DOCK5: variants seen among roughly 807,000 people sequenced by gnomAD.
The protein encoded by DOCK5 is dedicator of cytokinesis protein 5.
DOCK5 carries 142 observed loss-of-function variants against 251.8 expected under a neutral mutation model. The observed-to-expected ratio is 0.56, with a 90% CI of 0.49 to 0.65. The LOEUF (loss-of-function observed/expected upper bound fraction) is 0.65, where lower values mean the gene tolerates loss of function less well. DOCK5 is among the 30% of genes least tolerant of loss of function. DOCK5 has a pLI of 0.00. For missense variants in DOCK5, 2,111 were observed against 2,312.3 expected (o/e 0.91, Z 1.79); for synonymous variants, 842 against 835.5 (o/e 1.01, Z -0.13).
rs1444319199 is a variant in DOCK5, at chr8:25,193,371, C to T, written c.43+8420C>T. On this transcript the variant is annotated intron_variant, in intron 1 of 51. Coordinates refer to ENST00000276440, the MANE Select transcript of DOCK5 (RefSeq NM_024940.8). ...CTAACGTGTATTTTTTTTTTTAAGGCACATTACAGCTTTTTTTTTTTTGCA... is the reference window on the plus strand; with the variant it reads ...CTAACGTGTATTTTTTTTTTTAAGGTACATTACAGCTTTTTTTTTTTTGCA... 4.0e-5 allele frequency among the ~76,000 whole-genome samples: 6 copies of T among 149,622 alleles called. No individual in the cohort carries two copies. In the East Asian group the frequency reaches 5.8e-4, roughly 15 times the overall value.
rs538470910 is a variant in DOCK5 at position 25,275,554 on chromosome 8, G to A, written c.224+113G>A. On this transcript the variant is annotated intron_variant, in intron 4 of 51. Coordinates refer to ENST00000276440, the MANE Select transcript of DOCK5 (RefSeq NM_024940.8). ...TACGTTAATAGTTCTCTCATCTCAG[G>A]CCAGGCGTGGTGGCTCACGCCTGTA... 1.4e-5 allele frequency: 15 copies of A among 1,085,776 alleles called. No individual in the cohort carries two copies. In the South Asian group the frequency reaches 2.1e-4, roughly 15 times the overall value. 67.3% of individuals were successfully genotyped at this position (1,085,776 alleles called of 1,614,324 possible). A position where few individuals can be genotyped will look rare whatever the true frequency, so the allele number is the denominator to read the frequency against.
chr8:25,259,892 A>G (rs1273192296), intron 2 of DOCK5, among the ~76,000 whole-genome samples: 2 of 152,258 alleles, frequency 1.3e-5, no homozygotes, highest in Non-Finnish European at 1.5e-5. Context: ...CAAGAAGTAC[A>G]AAAGAATAGA....
intron 1 of DOCK5, among the ~76,000 whole-genome samples, chr8:25,199,381 T>TA (rs34991651): frequency 1.8e-4 from 1 of 5,528 alleles, no homozygotes. Context: ...CGCTCTGTTC[T>TA]TTTTTTTTTT....
chr8:25,245,143 A>G (rs111780381), intron 2 of DOCK5, among the ~76,000 whole-genome samples: 2,593 of 152,182 alleles, frequency 0.017, 88 homozygotes, highest in African/African-American at 0.059. Context: ...TGCAAGCTCC[A>G]CCTTCCGGGT....
Position 25,241,050 on chromosome 8 carries a change from C to T in DOCK5, c.44-2624C>T, listed in dbSNP as rs111882558. On this transcript the variant is annotated intron_variant, in intron 1 of 51. Coordinates refer to ENST00000276440, the MANE Select transcript of DOCK5 (RefSeq NM_024940.8). ...TCTTTCTCTCTTATAAAGATATATG[C>T]GATTGCATTTAAGGCCACCCTGATA... is the stretch of plus-strand genomic sequence containing the variant. 9.9e-3 allele frequency among the ~76,000 whole-genome samples: 1,509 copies of T among 152,232 alleles called. 33 individuals are homozygous for T. The highest frequency in any genetic ancestry group is 0.035 in the African/African-American group (1,444 of 41,542).
At chr8:25,328,357 G>T (rs781477817) in intron 18 of DOCK5, among the ~76,000 whole-genome samples, 6 of 152,146 alleles carry the variant, frequency 3.9e-5, no homozygotes, top group Non-Finnish European at 8.8e-5. Flanking sequence ...AGGGAACAGG[G>T]TACAGAGAGG....
chr8:25,353,566 A>G (rs1800509943), intron 27 of DOCK5, among the ~76,000 whole-genome samples: 1 of 151,848 alleles, frequency 6.6e-6, no homozygotes, highest in South Asian at 2.1e-4. Flanking sequence ...GCAAGGAAAT[A>G]CTATTTTTTT....
chr8:25,308,095 T>A (rs955268621), intron 11 of DOCK5, among the ~76,000 whole-genome samples: 5 of 152,170 alleles, frequency 3.3e-5, no homozygotes, highest in African/African-American at 9.6e-5. Flanking sequence ...ACTATTGTAC[T>A]GCACCAGGCC....
At chr8:25,270,578 G>A (rs1803879744) in intron 3 of DOCK5, among the ~76,000 whole-genome samples, 1 of 152,136 alleles carries the variant, frequency 6.6e-6, no homozygotes, top group South Asian at 2.1e-4. Context: ...TAAACAAAAA[G>A]CCATTCTCAA....
At chr8:25,382,024 A>T (rs1312267404) in intron 39 of DOCK5, among the ~76,000 whole-genome samples, 4 of 151,938 alleles carry the variant, frequency 2.6e-5, no homozygotes, top group African/African-American at 9.7e-5. Flanking sequence ...TTTTATTATT[A>T]TTTTTTCAAA....
chr8:25,256,801 C>T (rs1157213559), intron 2 of DOCK5, among the ~76,000 whole-genome samples: 1 of 151,958 alleles, frequency 6.6e-6, no homozygotes, highest in Non-Finnish European at 1.5e-5. Context: ...TTGGTCTCTG[C>T]CAAGGCCCTG....
At chr8:25,393,507 C>A (rs565465063) in intron 44 of DOCK5, among the ~76,000 whole-genome samples, 1 of 152,188 alleles carries the variant, frequency 6.6e-6, no homozygotes, top group South Asian at 2.1e-4. Context: ...AGCACACACA[C>A]GTATGGCCTA....
intron 22 of DOCK5, among the ~76,000 whole-genome samples, chr8:25,340,290 T>C (rs1421506122): frequency 1.3e-5 from 2 of 152,248 alleles, no homozygotes; most frequent in East Asian, 1.9e-4. Context: ...CTTTGGGTAC[T>C]ATATAAGGTA....
At chr8:25,254,020 G>A (rs1013577894) in intron 2 of DOCK5, among the ~76,000 whole-genome samples, 4 of 152,164 alleles carry the variant, frequency 2.6e-5, no homozygotes, top group Admixed American at 6.6e-5. Context: ...CAAGACTGTG[G>A]TATTGGCAGA....
intron 18 of DOCK5, among the ~76,000 whole-genome samples, chr8:25,331,456 T>C (rs1805680693): frequency 6.6e-6 from 1 of 152,106 alleles, no homozygotes; most frequent in Non-Finnish European, 1.5e-5. Context: ...GTAAGTGGCT[T>C]AAAGTTTCAA....
At chr8:25,253,547 C>T (rs774993126) in intron 2 of DOCK5, among the ~76,000 whole-genome samples, 7 of 152,048 alleles carry the variant, frequency 4.6e-5, no homozygotes, top group Non-Finnish European at 8.8e-5. Flanking sequence ...TATAACATCA[C>T]GGTTGGGCTG....
At chr8:25,222,807 C>T (rs1265704221) in intron 1 of DOCK5, among the ~76,000 whole-genome samples, 5 of 152,184 alleles carry the variant, frequency 3.3e-5, no homozygotes, top group Admixed American at 6.5e-5. Context: ...CATTTCCCTG[C>T]CTGCAAGCAG....
At chr8:25,261,776 T>G (rs1803589161) in intron 2 of DOCK5, among the ~76,000 whole-genome samples, 1 of 152,154 alleles carries the variant, frequency 6.6e-6, no homozygotes, top group Non-Finnish European at 1.5e-5. Context: ...GTTCCCACCC[T>G]CAGTAAACAG....
rs1427003430 is a variant in DOCK5, at chr8:25,296,631, A to G, written c.589A>G (p.Lys197Glu). ...HEVASKRIEE[K>E]IQEEKSILQN... ...GGTGGCCTCCAAAAGGATTGAGGAA[A>G]AGATCCAAGAAGAGAAGGTACAGTT... is the stretch of plus-strand genomic sequence containing the variant. The change falls in exon 7 of 52, where the codon AAG becomes GAG. Residue 197 changes from lysine (K) to glutamate (E), a missense_variant. By Grantham distance (56) the Lys-to-Glu change is moderately conservative (BLOSUM62 1). Transcript: ENST00000276440. 6.2e-7 allele frequency: 1 copy of G among 1,612,804 alleles called. No individual in the cohort carries two copies. Among genetic ancestry groups the G allele is most frequent in the Non-Finnish European group, 8.5e-7 (1 of 1,179,428 alleles).
Sources: allele counts gnomAD v4.1 joint callset (sites outside exome capture counted in the v4.1 genomes callset), GRCh38; gene constraint gnomAD v4.1.1; transcripts MANE v1.5; gene names NCBI Gene and HGNC (gene_info 2026-07-23, HGNC 2026-07-21).